The following GRIA4 variants were observed in gnomAD, a reference collection of about 807,000 sequenced individuals.
GRIA4 encodes the protein glutamate receptor 4.
A neutral mutation model predicts 104.0 loss-of-function variants in GRIA4; 34 were observed. That is an observed-to-expected ratio of 0.33 (90% CI 0.25 to 0.44). The LOEUF (loss-of-function observed/expected upper bound fraction) is 0.44. Among genes scored for constraint, GRIA4 ranks in the 20% least tolerant of loss-of-function variants. The pLI is 1.00. For missense variants in GRIA4, 750 were observed against 1,096.5 expected (o/e 0.68, Z 4.46); for synonymous variants, 386 against 381.9 (o/e 1.01, Z -0.13).
At chr11:105,782,038 C>A (rs1168012842) in intron 4 of GRIA4, among the ~76,000 whole-genome samples, 2 of 152,130 alleles carry the variant, frequency 1.3e-5, no homozygotes, top group Non-Finnish European at 2.9e-5. Context: ...AGCTTGCAAC[C>A]TGTTCCTCTT....
intron 10 of GRIA4, chr11:105,913,067 T>C: frequency 1.2e-6 from 1 of 857,634 alleles, no homozygotes; most frequent in Non-Finnish European, 1.4e-6. Flanking sequence ...TGATACACTG[T>C]AACACTATAT....
intron 3 of GRIA4, among the ~76,000 whole-genome samples, chr11:105,705,573 C>T (rs1026078009): frequency 8.6e-5 from 13 of 152,022 alleles, no homozygotes; most frequent in Non-Finnish European, 1.5e-4. Context: ...AGGATCAATA[C>T]CCCAATGGAA....
Position 105,674,418 on chromosome 11 carries a change from C to G in GRIA4, c.247+61984C>G, listed in dbSNP as rs75661210. Among the ~76,000 whole-genome samples the G allele has an allele frequency of 3.8e-3, 579 of 151,586 alleles. 5 individuals are homozygous for G. The highest frequency in any genetic ancestry group is 0.013 in the African/African-American group (538 of 41,376). The stretch of plus-strand genomic sequence containing the variant: ...ACTTAGCTACTAGATGATCTAGAAA[C>G]ATATCCGCCTCAGGATGATTTTTGT... On this transcript the variant is annotated intron_variant, in intron 3 of 16. Transcript: ENST00000282499.
chr11:105,616,148 TGA>T (rs1399590967), intron 3 of GRIA4, among the ~76,000 whole-genome samples: 1 of 151,730 alleles, frequency 6.6e-6, no homozygotes, highest in Non-Finnish European at 1.5e-5. Context: ...TTTTAAACTT[TGA>T]TAGAAAGGAC....
At chr11:105,687,465 C>T (rs147421639) in intron 3 of GRIA4, among the ~76,000 whole-genome samples, 1 of 152,248 alleles carries the variant, frequency 6.6e-6, no homozygotes, top group African/African-American at 2.4e-5. Flanking sequence ...AGGGGCTTCT[C>T]CTGAGGAAGA....
intron 10 of GRIA4, 125 bp downstream of exon 10, chr11:105,910,670 C>T (rs781620432): frequency 2.8e-5 from 17 of 600,884 alleles, no homozygotes; most frequent in Non-Finnish European, 4.9e-5. Context: ...TTCTGATCCA[C>T]AAAATCCTAT....
In GRIA4 at chr11:105,933,713, T is replaced by C; in HGVS notation, c.2047-9T>C. 2.6e-6 allele frequency: 4 copies of C among 1,539,212 alleles called. No individual in the cohort carries two copies. The highest frequency in any genetic ancestry group is 3.5e-6 in the Non-Finnish European group (4 of 1,134,052). ...TTCCTGTATTTAATTTTATTTTAAT[T>C]TCCTCCAGAGATCAAAAATAGCAGT... On this transcript the variant is annotated splice_polypyrimidine_tract_variant and intron_variant, in intron 13 of 16. Transcript: ENST00000282499.
At chr11:105,625,153 A>G (rs1950854176) in intron 3 of GRIA4, among the ~76,000 whole-genome samples, 1 of 152,122 alleles carries the variant, frequency 6.6e-6, no homozygotes, top group African/African-American at 2.4e-5. Flanking sequence ...ATATATAGAC[A>G]GATAGATAGA....
intron 3 of GRIA4, among the ~76,000 whole-genome samples, chr11:105,634,496 A>AGG (rs1384573675): frequency 1.4e-5 from 1 of 69,180 alleles, no homozygotes; most frequent in African/African-American, 4.3e-5. Flanking sequence ...AAAGAAAGAA[A>AGG]GAAAGAAAGA....
chr11:105,618,707 G>C (rs757652976), intron 3 of GRIA4, among the ~76,000 whole-genome samples: 1 of 151,842 alleles, frequency 6.6e-6, no homozygotes, highest in Non-Finnish European at 1.5e-5. Context: ...GGAGCTTTTG[G>C]GTTCAGTCTG....
intron 3 of GRIA4, among the ~76,000 whole-genome samples, chr11:105,645,824 A>C (rs1417505692): frequency 6.6e-6 from 1 of 152,214 alleles, no homozygotes; most frequent in African/African-American, 2.4e-5. Flanking sequence ...CTGAAGACAG[A>C]TAACCTAGAG....
intron 5 of GRIA4, among the ~76,000 whole-genome samples, chr11:105,866,817 C>A (rs1945437929): frequency 6.6e-6 from 1 of 151,610 alleles, no homozygotes; most frequent in Admixed American, 6.6e-5. Context: ...GATGAGATAT[C>A]AAAGGCATTT....
At chr11:105,678,356 CT>C (rs1219509226) in intron 3 of GRIA4, among the ~76,000 whole-genome samples, 1 of 151,926 alleles carries the variant, frequency 6.6e-6, no homozygotes, top group Non-Finnish European at 1.5e-5. Context: ...ATTATCTTCA[CT>C]GTTAGTAAGC....
At chr11:105,692,551 C>T (rs969683225) in intron 3 of GRIA4, among the ~76,000 whole-genome samples, 2 of 152,144 alleles carry the variant, frequency 1.3e-5, no homozygotes, top group South Asian at 4.1e-4. Context: ...CTTGACAAAT[C>T]GAAAGGATAG....
chr11:105,727,024 C>T lies in GRIA4; in HGVS notation c.248-25957C>T, dbSNP rs182969230. On this transcript the variant is annotated intron_variant, in intron 3 of 16. Transcript: ENST00000282499. ...TCGCCAGCAAGGAAACATAACTGGA[C>T]AGAGAATGAGTTTGACAAATTGACA... 3.3e-5 allele frequency among the ~76,000 whole-genome samples: 5 copies of T among 151,994 alleles called. No homozygotes were observed. In the East Asian group the frequency reaches 7.8e-4, roughly 24 times the overall value.
intron 16 of GRIA4, among the ~76,000 whole-genome samples, chr11:105,976,211 C>G (rs1034509278): frequency 2.6e-5 from 4 of 151,982 alleles, no homozygotes; most frequent in African/African-American, 7.2e-5. Context: ...ACTGACTTTT[C>G]TTTGGCATAA....
At chr11:105,961,288 T>G (rs1591490113) in intron 14 of GRIA4, among the ~76,000 whole-genome samples, 1 of 152,356 alleles carries the variant, frequency 6.6e-6, no homozygotes, top group African/African-American at 2.4e-5. Context: ...GGCTGAATTA[T>G]TTTATATGAT....
At chr11:105,880,593 AT>A (rs545935002) in intron 5 of GRIA4, among the ~76,000 whole-genome samples, 6 of 152,094 alleles carry the variant, frequency 3.9e-5, no homozygotes, top group Admixed American at 1.3e-4. Context: ...ACTGAAGGTC[AT>A]TTTTTTTAAT....
At chr11:105,774,520 C>A (rs1268906654) in intron 4 of GRIA4, among the ~76,000 whole-genome samples, 1 of 152,032 alleles carries the variant, frequency 6.6e-6, no homozygotes, top group African/African-American at 2.4e-5. Flanking sequence ...TATGTTTTAA[C>A]ATTCATCTTG....
Sources: gnomAD v4.1 joint callset for allele counts (sites outside exome capture counted in the v4.1 genomes callset) on GRCh38, gnomAD v4.1.1 for gene constraint, MANE v1.5 for transcripts, NCBI Gene and HGNC (gene_info 2026-07-23, HGNC 2026-07-21) for gene names.